TPT1: variants seen among roughly 807,000 people sequenced by gnomAD.
TPT1 encodes the protein tumor protein, translationally-controlled 1, also known as translationally-controlled tumor protein.
Under a neutral mutation model 22.8 loss-of-function variants are expected in TPT1, and 5 were observed. The ratio of observed to expected loss-of-function variants is 0.22; its 90% confidence interval spans 0.11 to 0.46. TPT1 has a LOEUF of 0.46. TPT1 is among the 20% of genes least tolerant of loss of function. The pLI is 0.99. For synonymous variants in TPT1, 89 were observed against 73.6 expected (o/e 1.21, Z -1.07); for missense variants, 130 against 218.7 (o/e 0.59, Z 2.56).
Position 45,335,377 on chromosome 13 carries a change from T to G in TPT1, c.*2009A>C, listed in dbSNP as rs534873625. On this transcript the variant is annotated 3_prime_UTR_variant, in exon 6 of 6. Coordinates refer to ENST00000530705, the MANE Select transcript of TPT1 (RefSeq NM_003295.4). ...AGGACAACTGGGGAAATACCTCTTCTGCAGAACTGAAAATCTTCAAAACAA... is the reference window on the plus strand; with the variant it reads ...AGGACAACTGGGGAAATACCTCTTCGGCAGAACTGAAAATCTTCAAAACAA... The G allele has an allele frequency of 7.9e-5, 12 of 152,216 alleles. No individual in the cohort carries two copies. The highest frequency in any genetic ancestry group is 1.5e-4 in the Non-Finnish European group (10 of 68,048). 9.4% of individuals were successfully genotyped at this position (152,216 alleles called of 1,614,324 possible). A position where few individuals can be genotyped will look rare whatever the true frequency, so the allele number is the denominator to read the frequency against.
chr13:45,338,874 A>C, intron 4 of TPT1, 98 bp from the exon 5 acceptor site: 2 of 1,032,440 alleles, frequency 1.9e-6, no homozygotes, highest in Non-Finnish European at 2.8e-6. Context: ...AGACCACCAC[A>C]AAAATCAAAA....
Position 45,339,489 on chromosome 13 carries a change from G to A in TPT1, c.399+8C>T, listed in dbSNP as rs982785666. The A allele has an allele frequency of 2.5e-6, 4 of 1,607,300 alleles. No homozygotes were observed. Among genetic ancestry groups the A allele is most frequent in the African/African-American group, 1.3e-5 (1 of 74,710 alleles). On this transcript the variant is annotated splice_region_variant and intron_variant, in intron 4 of 5. Transcript: ENST00000530705. ...CAATCCTTTGATCCAGATACTTAAG[G>A]TATTTACCTGGTAGTTTTTGAAATT...
intron 5 of TPT1, 115 bp from the exon 6 acceptor site, chr13:45,337,503 G>T: frequency 6.2e-7 from 1 of 1,613,958 alleles, no homozygotes; most frequent in East Asian, 2.2e-5. Context: ...AATTCAATCT[G>T]GGCCGCCACA....
At chr13:45,339,744 A>G in intron 3 of TPT1, 142 bp from the exon 4 acceptor site, 1 of 782,354 alleles carries the variant, frequency 1.3e-6, no homozygotes, top group Non-Finnish European at 2.0e-6. Context: ...CACAGAAGGT[A>G]TCTTTCAAGA....
chr13:45,334,690 T>G lies in TPT1; in HGVS notation c.*2696A>C, dbSNP rs1387209540. Reference sequence around the variant, plus strand: ...TTAAAAACACATTATACACAATTATTCTATGCTTTTACCCTGCCACCTGGC... The same window carrying G: ...TTAAAAACACATTATACACAATTATGCTATGCTTTTACCCTGCCACCTGGC... On this transcript the variant is annotated 3_prime_UTR_variant, in exon 6 of 6. Coordinates refer to ENST00000530705, the MANE Select transcript of TPT1 (RefSeq NM_003295.4). 1.3e-5 allele frequency: 2 copies of G among 152,156 alleles called. No individual in the cohort carries two copies. The highest frequency in any genetic ancestry group is 1.9e-4 in the East Asian group (1 of 5,208). 9.4% of individuals were successfully genotyped at this position (152,156 alleles called of 1,614,324 possible). A position where few individuals can be genotyped will look rare whatever the true frequency, so the allele number is the denominator to read the frequency against.
Position 45,339,490 on chromosome 13 carries a change from T to A in TPT1, c.399+7A>T. 1 of 1,609,212 alleles carries A rather than the reference T, an allele frequency of 6.2e-7. No individual in the cohort carries two copies. The highest frequency in any genetic ancestry group is 8.5e-7 in the Non-Finnish European group (1 of 1,177,604). ...AATCCTTTGATCCAGATACTTAAGG[T>A]ATTTACCTGGTAGTTTTTGAAATTA... On this transcript the variant is annotated splice_region_variant and intron_variant, in intron 4 of 5. Transcript: ENST00000530705.
At chr13:45,340,517 G>C in intron 2 of TPT1, 195 bp downstream of exon 2, 1 of 786,828 alleles carries the variant, frequency 1.3e-6, no homozygotes, top group Non-Finnish European at 2.2e-6. Context: ...CCCGGGAGGA[G>C]GATGGGCGCC....
chr13:45,340,529 A>G, intron 2 of TPT1, 183 bp downstream of exon 2: 1 of 818,736 alleles, frequency 1.2e-6, no homozygotes, highest in Non-Finnish European at 2.0e-6. Flanking sequence ...ATGGGCGCCG[A>G]GGCGGCGGGC....
intron 5 of TPT1, chr13:45,338,375 G>C (rs543292491): frequency 2.3e-6 from 1 of 434,572 alleles, no homozygotes; most frequent in Non-Finnish European, 3.9e-6. Flanking sequence ...CCACCTCGGC[G>C]TCCCAAGTGC....
chr13:45,339,196 A>G, intron 4 of TPT1: 1 of 325,952 alleles, frequency 3.1e-6, no homozygotes, highest in Non-Finnish European at 5.5e-6. Context: ...TTCCAAAAGT[A>G]GAATTAACAA....
rs1180075650 is a variant in TPT1, at chr13:45,335,972, C to T, written c.*1414G>A. 1 of 152,156 alleles carries T rather than the reference C, an allele frequency of 6.6e-6. No individual in the cohort carries two copies. The highest frequency in any genetic ancestry group is 2.4e-5 in the African/African-American group (1 of 41,434). 9.4% of individuals were successfully genotyped at this position (152,156 alleles called of 1,614,324 possible). A position where few individuals can be genotyped will look rare whatever the true frequency, so the allele number is the denominator to read the frequency against. ...AGTCACTGGCCTGCTTTTAATCTTTCTTTTACAAGTGTAATCAACCAGGTA... is the reference window on the plus strand; with the variant it reads ...AGTCACTGGCCTGCTTTTAATCTTTTTTTTACAAGTGTAATCAACCAGGTA... On this transcript the variant is annotated 3_prime_UTR_variant, in exon 6 of 6. Coordinates refer to ENST00000530705, the MANE Select transcript of TPT1 (RefSeq NM_003295.4).
rs1878745914 is a variant in TPT1 at position 45,337,022 on chromosome 13, CTT to C, written c.*362_*363del. 3.9e-6 allele frequency: 1 copy of C among 259,648 alleles called. No homozygotes were observed. Among genetic ancestry groups the C allele is most frequent in the Admixed American group, 5.1e-5 (1 of 19,556 alleles). The allele number at this position is 259,648 out of a possible 1,614,324, so 16.1% of individuals were successfully genotyped here. On this transcript the variant is annotated 3_prime_UTR_variant, in exon 6 of 6. Transcript: ENST00000530705. ...CTTTATTGCAACTCAAAATCAGAAC[CTT>C]TGATTCTTTTTTATATTCCAGTCCC...
intron 1 of TPT1, 102 bp from the exon 2 acceptor site, chr13:45,340,887 C>T (rs1879074969): frequency 1.3e-6 from 2 of 1,485,132 alleles, no homozygotes; most frequent in African/African-American, 2.8e-5. Flanking sequence ...CTCCGTAGCA[C>T]ACCAGAGCTG....
chr13:45,340,094 T>C lies in TPT1; in HGVS notation c.193A>G (p.Thr65Ala). The C allele has an allele frequency of 6.2e-7, 1 of 1,614,230 alleles. No homozygotes were observed. The highest frequency in any genetic ancestry group is 8.5e-7 in the Non-Finnish European group (1 of 1,180,030). The change falls in exon 3 of 6, where the codon ACA becomes GCA. Residue 65 changes from threonine to alanine, a missense_variant. Thr to Ala is a moderately conservative substitution (Grantham distance 58). Transcript: ENST00000530705. The stretch of plus-strand genomic sequence containing the variant: ...ACAATATCGACACCAGTGATTACTG[T>C]GCTTTCGGTACCTTCGCCCTCGGGG... ...EGPEGEGTESTVITGVDIVMN... is the reference protein window; with the variant it reads ...EGPEGEGTESAVITGVDIVMN...
chr13:45,334,220 GAGATGGGGTCTC>G lies in TPT1; in HGVS notation c.*3154_*3165del, dbSNP rs943469547. 2.6e-5 allele frequency: 4 copies of G among 151,972 alleles called. No homozygotes were observed. The highest frequency in any genetic ancestry group is 9.7e-5 in the African/African-American group (4 of 41,364). 9.4% of individuals were successfully genotyped at this position (151,972 alleles called of 1,614,324 possible). On this transcript the variant is annotated 3_prime_UTR_variant, in exon 6 of 6. Transcript: ENST00000530705. ...AGCCATGGTTCCTGGCTAAATTTTAGAGATGGGGTCTCCCTGTGGTGCCCAGGCTGGCCTCTA... is the reference window on the plus strand; with the variant it reads ...AGCCATGGTTCCTGGCTAAATTTTAGCCTGTGGTGCCCAGGCTGGCCTCTA...
At chr13:45,341,005 C>T (rs1879089629) in intron 1 of TPT1, 37 bp downstream of exon 1, 1 of 1,604,714 alleles carries the variant, frequency 6.2e-7, no homozygotes, top group South Asian at 1.1e-5. Flanking sequence ...CCCAGACCCC[C>T]GTGTGCGGCA....
intron 5 of TPT1, chr13:45,338,190 C>T (rs542474739): frequency 5.9e-6 from 1 of 168,790 alleles, no homozygotes; most frequent in Non-Finnish European, 1.3e-5. Flanking sequence ...GGTGGGATCT[C>T]TGCTCACTGC....
At position 45,333,473 on chromosome 13, in the gene TPT1, A is replaced by G. The variant is rs1004870981; in HGVS notation, c.*3913T>C. On this transcript the variant is annotated 3_prime_UTR_variant, in exon 6 of 6. Transcript: ENST00000530705. ...CATATAACCTTAAGGATGCTTTGTT[A>G]TCAGTGTTCTCTCAAGTTGGTTGAG... 3 of 152,226 alleles carry G rather than the reference A, an allele frequency of 2.0e-5. No homozygotes were observed. Among genetic ancestry groups the G allele is most frequent in the Non-Finnish European group, 4.4e-5 (3 of 68,046 alleles). 9.4% of individuals were successfully genotyped at this position (152,226 alleles called of 1,614,324 possible).
In TPT1 at chr13:45,341,165, G is replaced by T. The variant is rs781129399; in HGVS notation, c.-96C>A. ...CAGCCGGAGCGGCGCTCGGGGGGAG[G>T]GGGGAGCGGGCGGAAAAGGCCGACT... On this transcript the variant is annotated 5_prime_UTR_variant, in exon 1 of 6. Transcript: ENST00000530705. The T allele has an allele frequency of 3.9e-6, 6 of 1,548,542 alleles. No individual in the cohort carries two copies. The highest frequency in any genetic ancestry group is 8.8e-7 in the Non-Finnish European group (1 of 1,139,096).
Sources: allele counts gnomAD v4.1 joint callset, GRCh38; gene constraint gnomAD v4.1.1; transcripts MANE v1.5; gene names NCBI Gene and HGNC (gene_info 2026-07-23, HGNC 2026-07-21).